The following CPNE4 variants were observed in gnomAD, a reference collection of about 807,000 sequenced individuals.
CPNE4 encodes copine 4.
Under a neutral mutation model 67.9 loss-of-function variants are expected in CPNE4, and 25 were observed. That is an observed-to-expected ratio of 0.37 (90% CI 0.27 to 0.51). The LOEUF is 0.51. CPNE4 is among the 20% of genes least tolerant of loss of function. The pLI is 0.93. For missense variants in CPNE4, 464 were observed against 690.8 expected (o/e 0.67, Z 3.68); for synonymous variants, 242 against 244.9 (o/e 0.99, Z 0.11).
chr3:131,733,545 G>A (rs555655830), intron 2 of CPNE4, among the ~76,000 whole-genome samples: 1 of 152,338 alleles, frequency 6.6e-6, no homozygotes, highest in South Asian at 2.1e-4. Flanking sequence ...CCAGCTGTAA[G>A]CTGGCACATA....
intron 1 of CPNE4, among the ~76,000 whole-genome samples, chr3:132,029,261 A>G (rs1161497431): frequency 1.3e-5 from 2 of 152,198 alleles, no homozygotes; most frequent in Non-Finnish European, 2.9e-5. Flanking sequence ...GCCGCGGAGC[A>G]ACCTAACCAG....
At chr3:132,004,702 C>T (rs1266360789) in intron 1 of CPNE4, among the ~76,000 whole-genome samples, 1 of 152,080 alleles carries the variant, frequency 6.6e-6, no homozygotes, top group African/African-American at 2.4e-5. Context: ...TAAAAAACTA[C>T]AGCTACTGGT....
chr3:131,548,944 G>T (rs76714245), intron 14 of CPNE4, among the ~76,000 whole-genome samples: 1 of 152,188 alleles, frequency 6.6e-6, no homozygotes, highest in African/African-American at 2.4e-5. Flanking sequence ...GGGCAAAGCA[G>T]AGTCAAGGGG....
Position 131,741,376 on chromosome 3 carries a change from C to T in CPNE4, c.181-17751G>A, listed in dbSNP as rs536468450. Among the ~76,000 whole-genome samples the T allele has an allele frequency of 2.0e-5, 3 of 152,154 alleles. No individual in the cohort carries two copies. In the South Asian group the frequency reaches 6.2e-4, roughly 32 times the overall value. ...TTATACCTAATGAGATAAAGCTAGA[C>T]AGTCTGAGAATGTGCTGGGAAAGGA... On this transcript the variant is annotated intron_variant, in intron 2 of 15. Coordinates refer to ENST00000429747, the MANE Select transcript of CPNE4 (RefSeq NM_130808.3).
At chr3:131,588,725 T>C (rs1166266281) in intron 7 of CPNE4, among the ~76,000 whole-genome samples, 2 of 152,128 alleles carry the variant, frequency 1.3e-5, no homozygotes, top group African/African-American at 2.4e-5. Context: ...ACTCATTCAG[T>C]TACTACAAAC....
intron 5 of CPNE4, among the ~76,000 whole-genome samples, chr3:131,691,234 C>T (rs1043099965): frequency 7.2e-5 from 11 of 151,984 alleles, no homozygotes; most frequent in Non-Finnish European, 2.9e-5. Context: ...AATCATTTTG[C>T]CAAAAAGACA....
intron 1 of CPNE4, among the ~76,000 whole-genome samples, chr3:131,988,676 G>A (rs1369230494): frequency 6.6e-6 from 1 of 152,184 alleles, no homozygotes; most frequent in Admixed American, 6.5e-5. Flanking sequence ...GAGGAACACT[G>A]TCCTTATTGT....
chr3:131,721,611 G>A (rs1295803564), intron 3 of CPNE4, among the ~76,000 whole-genome samples: 1 of 152,074 alleles, frequency 6.6e-6, no homozygotes, highest in African/African-American at 2.4e-5. Flanking sequence ...TATCCAGGAT[G>A]GTCTCGATCT....
intron 2 of CPNE4, among the ~76,000 whole-genome samples, chr3:131,776,416 C>T (rs17360876): frequency 6.6e-6 from 1 of 152,068 alleles, no homozygotes; most frequent in African/African-American, 2.4e-5. Context: ...TTCCAACACC[C>T]TGATGGGAGG....
At chr3:131,995,203 C>T (rs2107654109) in intron 1 of CPNE4, among the ~76,000 whole-genome samples, 1 of 152,246 alleles carries the variant, frequency 6.6e-6, no homozygotes, top group East Asian at 1.9e-4. Flanking sequence ...AACACACACA[C>T]TCTCACACAC....
intron 2 of CPNE4, among the ~76,000 whole-genome samples, chr3:131,861,960 G>A (rs1032753503): frequency 2.0e-5 from 3 of 152,156 alleles, no homozygotes; most frequent in African/African-American, 7.2e-5. Context: ...CTAATGAAGC[G>A]AAGTGAGGAC....
chr3:131,772,537 A>G (rs2083193921), intron 2 of CPNE4, among the ~76,000 whole-genome samples: 1 of 152,160 alleles, frequency 6.6e-6, no homozygotes, highest in Admixed American at 6.5e-5. Flanking sequence ...CTGACTTATC[A>G]GAGAGCCAGA....
At chr3:131,864,059 G>A (rs1384649363) in intron 2 of CPNE4, among the ~76,000 whole-genome samples, 5 of 151,902 alleles carry the variant, frequency 3.3e-5, no homozygotes, top group African/African-American at 4.8e-5. Flanking sequence ...TGTTCCATTG[G>A]TCTATATCTC....
chr3:131,619,097 G>T (rs1019521358), intron 7 of CPNE4, among the ~76,000 whole-genome samples: 1 of 152,092 alleles, frequency 6.6e-6, no homozygotes, highest in African/African-American at 2.4e-5. Context: ...TTGGGGAAGG[G>T]GATATGATTG....
At chr3:131,603,393 A>G (rs1464850809) in intron 7 of CPNE4, among the ~76,000 whole-genome samples, 1 of 152,196 alleles carries the variant, frequency 6.6e-6, no homozygotes, top group East Asian at 1.9e-4. Flanking sequence ...ATAGGGACTC[A>G]ATAAGTGTTG....
chr3:131,686,105 G>C (rs1291911788), intron 5 of CPNE4, 147 bp from the exon 6 acceptor site: 3 of 592,464 alleles, frequency 5.1e-6, no homozygotes, highest in African/African-American at 1.9e-5. Context: ...CTCTCTTCCT[G>C]CCCAGTTCTA....
chr3:131,894,791 A>C (rs2088262617), intron 2 of CPNE4, among the ~76,000 whole-genome samples: 2 of 152,068 alleles, frequency 1.3e-5, no homozygotes, highest in Admixed American at 1.3e-4. Flanking sequence ...GCCACTATGA[A>C]AAATAGTATG....
At chr3:131,546,544 T>TG (rs1279397428) in intron 14 of CPNE4, among the ~76,000 whole-genome samples, 1 of 152,154 alleles carries the variant, frequency 6.6e-6, no homozygotes, top group African/African-American at 2.4e-5. Context: ...GAGAAACCTC[T>TG]GGGGAAAAGC....
At chr3:131,824,707 T>C (rs2085086941) in intron 2 of CPNE4, among the ~76,000 whole-genome samples, 1 of 152,146 alleles carries the variant, frequency 6.6e-6, no homozygotes, top group Non-Finnish European at 1.5e-5. Flanking sequence ...AGTTGGGGTG[T>C]CTGTTGTTTT....
Sources: allele counts gnomAD v4.1 joint callset (sites outside exome capture counted in the v4.1 genomes callset), GRCh38; gene constraint gnomAD v4.1.1; transcripts MANE v1.5; gene names NCBI Gene and HGNC (gene_info 2026-07-23, HGNC 2026-07-21).